C1QTNF9B: variants seen among roughly 807,000 people sequenced by gnomAD.
C1QTNF9B encodes the protein C1q and TNF related 9B.
C1QTNF9B carries 9 observed loss-of-function variants against 10.1 expected under a neutral mutation model. The ratio of observed to expected loss-of-function variants is 0.89; its 90% confidence interval spans 0.53 to 1.55. The LOEUF (loss-of-function observed/expected upper bound fraction) is 1.55. Among genes scored for constraint, C1QTNF9B ranks in the 40% most tolerant of loss-of-function variants. C1QTNF9B has a pLI of 0.00. For missense variants in C1QTNF9B, 196 were observed against 414.4 expected (o/e 0.47, Z 4.58); for synonymous variants, 79 against 159.9 (o/e 0.49, Z 3.82).
At chr13:23,891,554 G>A in exon 3 of C1QTNF9B, 3 of 1,607,104 alleles carry the variant, frequency 1.9e-6, no homozygotes, top group Non-Finnish European at 2.6e-6. Context: ...ATAGACCCCA[G>A]CAATGTGGCA....
upstream of C1QTNF9B, chr13:23,897,252 A>C: frequency 2.0e-6 from 1 of 499,024 alleles, no homozygotes; most frequent in South Asian, 4.3e-5. Context: ...AAAAAAGCCA[A>C]GTTTAAGGTC....
chr13:23,891,240 C>T, exon 3 of C1QTNF9B: 1 of 1,423,174 alleles, frequency 7.0e-7, no homozygotes, highest in Non-Finnish European at 9.4e-7. Context: ...TAAGTTCATC[C>T]CAAGCTGATT....
At position 23,891,577 on chromosome 13, in the gene C1QTNF9B, C is replaced by T. The variant is rs9553090; in HGVS notation, c.714G>A (p.Val238=). Residue 238 remains valine, a synonymous_variant, in exon 3 of 3, where the codon GTG becomes GTA. Transcript: ENST00000382137. ...CAGCAATGTGGCACGTGAATTTCCC[C>T]ACTGCTGTATCATAATGGTTGAATT... 9 of 1,574,060 alleles carry T rather than the reference C, an allele frequency of 5.7e-6. No homozygotes were observed. In the East Asian group the frequency reaches 1.6e-4, roughly 27 times the overall value.
chr13:23,894,980 C>T (rs1161140338), intron 1 of C1QTNF9B, among the ~76,000 whole-genome samples: 2 of 152,206 alleles, frequency 1.3e-5, no homozygotes, highest in Non-Finnish European at 2.9e-5. Flanking sequence ...GGCTGTGGGG[C>T]GACAGGCGCA....
chr13:23,895,849 A>G (rs1434058408), intron 1 of C1QTNF9B, among the ~76,000 whole-genome samples: 1 of 152,044 alleles, frequency 6.6e-6, no homozygotes, highest in East Asian at 1.9e-4. Context: ...TTTAGTATTC[A>G]TTTGGACTGG....
At chr13:23,891,470 A>G (rs1871934776) in exon 3 of C1QTNF9B, 3 of 1,582,634 alleles carry the variant, frequency 1.9e-6, no homozygotes, top group Non-Finnish European at 2.6e-6. Flanking sequence ...TCTGGTGTGC[A>G]GTATTTTTAC....
chr13:23,897,172 CCA>C (rs1163411633), upstream of C1QTNF9B: 1 of 676,546 alleles, frequency 1.5e-6, no homozygotes, highest in African/African-American at 1.8e-5. Flanking sequence ...CTGGTTATTA[CCA>C]GGATGACATT....
chr13:23,896,436 A>G (rs371961508), intron 1 of C1QTNF9B, among the ~76,000 whole-genome samples: 57 of 152,370 alleles, frequency 3.7e-4, no homozygotes, highest in African/African-American at 1.2e-3. Flanking sequence ...CAAATAATTC[A>G]TGATCAGATC....
Position 23,891,698 on chromosome 13 carries a change from A to C in C1QTNF9B, c.593T>G (p.Val198Gly), listed in dbSNP as rs777119655. ...CACAGTGAAAGCACTTTTTGGCAAG[A>C]CTAGAGTCTCACCGATTTTCCCTTT... Residue 198 changes from valine (V) to glycine (G), a missense_variant, in exon 3 of 3, where the codon GTC becomes GGC. Around this residue, in one of 5 missense-constraint regions of C1QTNF9B, gnomAD observed 28 missense variants for 74.9 expected, o/e 0.37. Transcript: ENST00000382137. 3.1e-6 allele frequency: 5 copies of C among 1,613,996 alleles called. No homozygotes were observed. In the Admixed American group the frequency reaches 8.3e-5, roughly 27 times the overall value.
upstream of C1QTNF9B, chr13:23,897,318 G>A: frequency 2.4e-6 from 1 of 411,346 alleles, no homozygotes; most frequent in Admixed American, 3.9e-5. Context: ...CTTAACCACA[G>A]ACCAATGCTT....
At chr13:23,895,293 A>G (rs1037731486) in intron 1 of C1QTNF9B, among the ~76,000 whole-genome samples, 1 of 152,054 alleles carries the variant, frequency 6.6e-6, no homozygotes, top group Non-Finnish European at 1.5e-5. Context: ...CACAACTCAC[A>G]AAGCATGAAC....
chr13:23,893,461 ATTTTTTTTGTT>A (rs1872089250), intron 2 of C1QTNF9B, among the ~76,000 whole-genome samples: 1 of 151,772 alleles, frequency 6.6e-6, no homozygotes, highest in Non-Finnish European at 1.5e-5. Context: ...CATGGTTGAC[ATTTTTTTTGTT>A]TTTCTGGTTT....
exon 3 of C1QTNF9B, chr13:23,891,578 A>G (rs3864970): frequency 0.29 from 413,227 of 1,424,896 alleles, 92,908 homozygotes; most frequent in East Asian, 0.43. Context: ...GAATTTCCCC[A>G]CTGCTGTATC....
intron 1 of C1QTNF9B, among the ~76,000 whole-genome samples, chr13:23,895,756 T>TAC (rs71185099): frequency 0.12 from 17,957 of 146,572 alleles, 1,169 homozygotes; most frequent in Admixed American, 0.19. Context: ...GACACAGACA[T>TAC]ACACACACAC....
intron 2 of C1QTNF9B, 110 bp downstream of exon 4, chr13:23,894,029 T>G: frequency 7.5e-7 from 1 of 1,325,986 alleles, no homozygotes; most frequent in Admixed American, 1.9e-5. Flanking sequence ...GAGTAAGAAC[T>G]GTGTTGCCTT....
intron 2 of C1QTNF9B, among the ~76,000 whole-genome samples, chr13:23,893,672 G>A (rs1017352516): frequency 6.6e-6 from 1 of 152,092 alleles, no homozygotes; most frequent in African/African-American, 2.4e-5. Context: ...GTCTTACTAT[G>A]TTGCCCAGGG....
At chr13:23,896,781 G>C (rs199969753) in intron 1 of C1QTNF9B, 40 bp downstream of exon 3, 1 of 1,611,148 alleles carries the variant, frequency 6.2e-7, no homozygotes, top group Non-Finnish European at 8.5e-7. Context: ...AAGTAATGAA[G>C]AGAGAAGCTC....
exon 3 of C1QTNF9B, chr13:23,891,838 C>G (rs200793733): frequency 1.2e-6 from 2 of 1,611,820 alleles, no homozygotes; most frequent in Non-Finnish European, 1.7e-6. Context: ...CCATGGGGCC[C>G]GGTAAACCAG....
exon 1 of C1QTNF9B, chr13:23,896,978 G>A (rs1872227245): frequency 6.2e-7 from 1 of 1,613,730 alleles, no homozygotes; most frequent in Admixed American, 1.7e-5. Flanking sequence ...GAAGCCACCA[G>A]ATCCTCATGG....
Sources: gnomAD v4.1 joint callset for allele counts (sites outside exome capture counted in the v4.1 genomes callset) on GRCh38, gnomAD v4.1.1 for gene constraint, gnomAD v4.1.1 regional missense constraint, MANE v1.5 for transcripts, NCBI Gene and HGNC (gene_info 2026-07-23, HGNC 2026-07-21) for gene names.